STK26: variants seen among roughly 807,000 people sequenced by gnomAD.
The protein encoded by STK26 is serine/threonine-protein kinase 26.
Under a neutral mutation model 34.7 loss-of-function variants are expected in STK26, and 14 were observed. The observed-to-expected ratio is 0.40, with a 90% CI of 0.27 to 0.63. STK26 has a LOEUF of 0.63. Ranked by LOEUF, STK26 falls within the 30% of genes least tolerant of loss-of-function variation. STK26 has a pLI of 0.38. For synonymous variants in STK26, 100 were observed against 109.8 expected (o/e 0.91, Z 0.56); for missense variants, 226 against 309.1 (o/e 0.73, Z 2.02).
chrX:132,030,354 C>T (rs1446229066), intron 2 of STK26, among the ~76,000 whole-genome samples: 1 of 110,255 alleles, frequency 9.1e-6, no homozygotes, highest in East Asian at 2.8e-4. Context: ...CATGACTCTT[C>T]AGGGTCCTCT....
At chrX:132,047,963 G>T (rs150841022) in intron 2 of STK26, among the ~76,000 whole-genome samples, 6 of 111,515 alleles carry the variant, frequency 5.4e-5, no homozygotes, top group African/African-American at 2.0e-4. Context: ...TGTCTTGCAG[G>T]ATCATCCATG....
At chrX:132,037,769 C>CTTT (rs755403402) in intron 2 of STK26, among the ~76,000 whole-genome samples, 33 of 51,827 alleles carry the variant, frequency 6.4e-4, no homozygotes, top group African/African-American at 1.1e-3. Flanking sequence ...CGGAGAGCTG[C>CTTT]TTTTTTTTTT....
At position 132,023,538 on chromosome X, in the gene STK26, G is replaced by T; in HGVS notation, c.-80G>T. On this transcript the variant is annotated 5_prime_UTR_variant, in exon 2 of 12. Transcript: ENST00000394334. The stretch of plus-strand genomic sequence containing the variant: ...GATCGAAAAGCCTGGGAGGGCCGCC[G>T]AACTACCCCCGGAGGGAGGAGCCAG... 1 of 1,125,440 alleles carries T rather than the reference G, an allele frequency of 8.9e-7. No homozygotes were observed. Among genetic ancestry groups the T allele is most frequent in the South Asian group, 1.9e-5 (1 of 51,851 alleles). 92.7% of individuals were successfully genotyped at this position (1,125,440 alleles called of 1,213,427 possible).
chrX:132,050,280 C>T (rs950821969), intron 2 of STK26, among the ~76,000 whole-genome samples: 3 of 111,784 alleles, frequency 2.7e-5, no homozygotes, highest in African/African-American at 9.8e-5. Flanking sequence ...TGTCATCAGT[C>T]ACATCTTAAC....
At chrX:132,051,398 G>A (rs923068069) in intron 2 of STK26, among the ~76,000 whole-genome samples, 10 of 111,188 alleles carry the variant, frequency 9.0e-5, no homozygotes, top group African/African-American at 2.9e-4. Flanking sequence ...TTTCATTTTC[G>A]TAGCCCTGTT....
At chrX:132,037,769 CTTTTTTTT>C (rs755403402) in intron 2 of STK26, among the ~76,000 whole-genome samples, 4 of 51,860 alleles carry the variant, frequency 7.7e-5, no homozygotes, top group African/African-American at 2.6e-4. Flanking sequence ...CGGAGAGCTG[CTTTTTTTT>C]TTTTTTTTTT....
At chrX:132,031,176 G>A (rs190106720) in intron 2 of STK26, among the ~76,000 whole-genome samples, 7 of 111,152 alleles carry the variant, frequency 6.3e-5, no homozygotes, top group East Asian at 5.7e-4. Context: ...GGGCCCAAGC[G>A]ATCCCCCATG....
At chrX:132,046,677 T>A (rs970887987) in intron 2 of STK26, among the ~76,000 whole-genome samples, 8 of 111,804 alleles carry the variant, frequency 7.2e-5, no homozygotes, top group Admixed American at 3.8e-4. Context: ...TGCTTCACCA[T>A]TGAGACCAGG....
chrX:132,026,233 A>G (rs2124117732), intron 2 of STK26, among the ~76,000 whole-genome samples: 1 of 112,314 alleles, frequency 8.9e-6, no homozygotes, highest in Non-Finnish European at 1.9e-5. Flanking sequence ...TGCTGTTGCC[A>G]CTAGTTTAAA....
rs774181759 is a variant in STK26, at chrX:132,051,299, T to C, written c.43-3332T>C. On this transcript the variant is annotated intron_variant, in intron 2 of 11. Coordinates refer to ENST00000394334, the MANE Select transcript of STK26 (RefSeq NM_016542.4). ...ACTTAAATTTCTAACAGTGTACTTA[T>C]AGTTGAAGAGTGCAAATTCAAGTTA... Among the ~76,000 whole-genome samples, 4 of 111,976 alleles carry C rather than the reference T, an allele frequency of 3.6e-5. No homozygotes were observed. In the South Asian group the frequency reaches 1.5e-3, roughly 42 times the overall value.
intron 3 of STK26, among the ~76,000 whole-genome samples, chrX:132,058,560 T>C (rs1227485461): frequency 2.7e-5 from 3 of 111,354 alleles, no homozygotes; most frequent in Non-Finnish European, 5.7e-5. Context: ...TCTATCTTCT[T>C]TTCCTAAGAT....
At chrX:132,037,616 C>T (rs1026010086) in intron 2 of STK26, among the ~76,000 whole-genome samples, 1 of 110,442 alleles carries the variant, frequency 9.1e-6, no homozygotes, top group African/African-American at 3.3e-5. Context: ...ACTTCTACTT[C>T]ACAGAAACTT....
At chrX:132,054,960 C>A in intron 3 of STK26, 99 bp downstream of exon 3, 1 of 718,419 alleles carries the variant, frequency 1.4e-6, no homozygotes, top group Non-Finnish European at 2.0e-6. Context: ...TAGGATTTGG[C>A]AGTCTATGGC....
intron 2 of STK26, among the ~76,000 whole-genome samples, chrX:132,037,585 T>TA (rs753007410): frequency 1.8e-5 from 2 of 110,684 alleles, no homozygotes; most frequent in East Asian, 2.8e-4. Flanking sequence ...AAATCAGAGA[T>TA]ATGTGGGCAG....
At chrX:132,066,532 G>A (rs1189880000) in intron 4 of STK26, among the ~76,000 whole-genome samples, 1 of 111,877 alleles carries the variant, frequency 8.9e-6, no homozygotes, top group Non-Finnish European at 1.9e-5. Context: ...GACATGGCAA[G>A]TTCTTCAGTT....
At chrX:132,073,920 A>G (rs1235265528) in intron 11 of STK26, among the ~76,000 whole-genome samples, 1 of 111,125 alleles carries the variant, frequency 9.0e-6, no homozygotes, top group Non-Finnish European at 1.9e-5. Flanking sequence ...TTTAATGAAA[A>G]CCCCCCATTT....
chrX:132,054,870 T>A lies in STK26; in HGVS notation c.273+9T>A. The A allele has an allele frequency of 8.7e-7, 1 of 1,148,339 alleles. No homozygotes were observed. The highest frequency in any genetic ancestry group is 1.2e-6 in the Non-Finnish European group (1 of 846,412). 94.6% of individuals were successfully genotyped at this position (1,148,339 alleles called of 1,213,427 possible). A position where few individuals can be genotyped will look rare whatever the true frequency, so the allele number is the denominator to read the frequency against. ...ATGGGTCATATTTAAAGGTAATGTG[T>A]GTGCTGTATTATTTAAGTCATAAGG... On this transcript the variant is annotated intron_variant, in intron 3 of 11. Coordinates refer to ENST00000394334, the MANE Select transcript of STK26 (RefSeq NM_016542.4).
intron 3 of STK26, 71 bp from the exon 4 acceptor site, chrX:132,063,362 A>T (rs1349852583): frequency 1.1e-6 from 1 of 942,102 alleles, no homozygotes; most frequent in Admixed American, 2.4e-5. Context: ...AGTATGTGAG[A>T]TTTAACATTT....
At chrX:132,069,703 A>G (rs200995951) in intron 7 of STK26, 40 bp downstream of exon 7, 442 of 908,875 alleles carry the variant, frequency 4.9e-4, no homozygotes, top group Non-Finnish European at 2.3e-4. Flanking sequence ...GTTTTCTATT[A>G]TTAGATCTAC....
Sources: gnomAD v4.1 joint callset for allele counts (sites outside exome capture counted in the v4.1 genomes callset) on GRCh38, gnomAD v4.1.1 for gene constraint, MANE v1.5 for transcripts, NCBI Gene and HGNC (gene_info 2026-07-23, HGNC 2026-07-21) for gene names.